UNC13C: variants seen among roughly 807,000 people sequenced by gnomAD.
The protein encoded by UNC13C is unc-13 homolog C, also known as protein unc-13 homolog C.
A neutral mutation model predicts 245.4 loss-of-function variants in UNC13C; 174 were observed. The ratio of observed to expected loss-of-function variants is 0.71; its 90% CI spans 0.63 to 0.80. The LOEUF (loss-of-function observed/expected upper bound fraction) is 0.80, where lower values mean the gene tolerates loss of function less well. Among genes scored for constraint, UNC13C ranks in the 30% least tolerant of loss-of-function variants. UNC13C has a pLI of 0.00. For missense variants in UNC13C, 2,829 were observed against 2,602.9 expected (o/e 1.09, Z -1.89); for synonymous variants, 992 against 895.1 (o/e 1.11, Z -1.93).
intron 13 of UNC13C, among the ~76,000 whole-genome samples, chr15:54,304,427 CT>C (rs2037669438): frequency 6.6e-6 from 1 of 151,922 alleles, no homozygotes; most frequent in African/African-American, 2.4e-5. Context: ...TCACATGTTT[CT>C]TTTAGCACTG....
intron 19 of UNC13C, among the ~76,000 whole-genome samples, chr15:54,445,087 T>C (rs1454917362): frequency 6.6e-6 from 1 of 151,650 alleles, no homozygotes; most frequent in Non-Finnish European, 1.5e-5. Flanking sequence ...GTCCTTGCGA[T>C]AGTTTGCTGA....
At chr15:54,036,848 A>G (rs563136180) in intron 2 of UNC13C, among the ~76,000 whole-genome samples, 1 of 152,322 alleles carries the variant, frequency 6.6e-6, no homozygotes, top group African/African-American at 2.4e-5. Context: ...CTGAATTTCT[A>G]TGACTTTATG....
intron 2 of UNC13C, among the ~76,000 whole-genome samples, chr15:54,057,812 G>T (rs556405080): frequency 2.4e-4 from 37 of 152,058 alleles, no homozygotes; most frequent in African/African-American, 7.5e-4. Flanking sequence ...GAAACTCACT[G>T]AAAACCACTC....
At chr15:53,874,290 TC>T in the UNC13C span, among the ~76,000 whole-genome samples, 1 of 150,626 alleles carries the variant, frequency 6.6e-6, no homozygotes, top group African/African-American at 2.5e-5. Flanking sequence ...TTTAATTTAA[TC>T]CCCCTAACAA....
At chr15:54,235,585 A>G (rs957152430) in intron 5 of UNC13C, among the ~76,000 whole-genome samples, 6 of 152,184 alleles carry the variant, frequency 3.9e-5, no homozygotes, top group Non-Finnish European at 5.9e-5. Context: ...AAGCTCTTCT[A>G]TTTAAAGAAA....
the UNC13C span, among the ~76,000 whole-genome samples, chr15:53,923,156 G>A: frequency 1.3e-5 from 2 of 152,184 alleles, no homozygotes; most frequent in East Asian, 3.8e-4. Context: ...GTAAGATTCA[G>A]ATCAAATGAC....
At chr15:54,547,467 A>T (rs1896535134) in intron 27 of UNC13C, among the ~76,000 whole-genome samples, 1 of 152,210 alleles carries the variant, frequency 6.6e-6, no homozygotes, top group African/African-American at 2.4e-5. Flanking sequence ...AAATAACACT[A>T]ACAAGCACCT....
chr15:54,150,752 T>A (rs1403540920), intron 4 of UNC13C, among the ~76,000 whole-genome samples: 3 of 152,232 alleles, frequency 2.0e-5, no homozygotes, highest in South Asian at 4.1e-4. Context: ...TGTGGATCTA[T>A]GAGACCTCAC....
intron 17 of UNC13C, among the ~76,000 whole-genome samples, chr15:54,382,930 C>G (rs1160948615): frequency 6.6e-6 from 1 of 152,008 alleles, no homozygotes; most frequent in Non-Finnish European, 1.5e-5. Flanking sequence ...ATACACTAAC[C>G]AACTGAAAAA....
the UNC13C span, among the ~76,000 whole-genome samples, chr15:53,942,948 C>T: frequency 6.6e-6 from 1 of 152,224 alleles, no homozygotes; most frequent in Non-Finnish European, 1.5e-5. Flanking sequence ...CAGGCGTGAG[C>T]CATTGTGCCC....
At chr15:54,616,240 A>G (rs1220689585) in intron 30 of UNC13C, among the ~76,000 whole-genome samples, 1 of 152,050 alleles carries the variant, frequency 6.6e-6, no homozygotes, top group East Asian at 1.9e-4. Context: ...AAGTCCAGAA[A>G]GCCATGAAAA....
At chr15:53,995,988 ATTTG>A (rs1467671454) in intron 1 of UNC13C, among the ~76,000 whole-genome samples, 1 of 152,096 alleles carries the variant, frequency 6.6e-6, no homozygotes, top group Non-Finnish European at 1.5e-5. Context: ...GCTCTTGTTC[ATTTG>A]TTTGTTTTTT....
intron 13 of UNC13C, among the ~76,000 whole-genome samples, chr15:54,302,751 C>G (rs190087244): frequency 2.9e-4 from 44 of 152,070 alleles, no homozygotes; most frequent in African/African-American, 1.0e-3. Context: ...CTTGGCTATG[C>G]TGGCTCTTTT....
chr15:54,478,550 G>C (rs1188762606), intron 19 of UNC13C, among the ~76,000 whole-genome samples: 1 of 147,658 alleles, frequency 6.8e-6, no homozygotes, highest in Non-Finnish European at 1.5e-5. Flanking sequence ...CTTTATTTCT[G>C]CCTTCATTTC....
intron 19 of UNC13C, among the ~76,000 whole-genome samples, chr15:54,417,339 C>G (rs1312531976): frequency 6.6e-6 from 1 of 152,104 alleles, no homozygotes; most frequent in East Asian, 1.9e-4. Flanking sequence ...TGGGAACATT[C>G]CAAGAGCTCA....
At chr15:54,110,779 A>T (rs1900730358) in intron 2 of UNC13C, among the ~76,000 whole-genome samples, 1 of 152,174 alleles carries the variant, frequency 6.6e-6, no homozygotes, top group African/African-American at 2.4e-5. Context: ...ACTTCCTTGA[A>T]CAGAACTGAT....
chr15:54,018,221 C>T (rs1895746897), intron 2 of UNC13C, among the ~76,000 whole-genome samples: 1 of 152,184 alleles, frequency 6.6e-6, no homozygotes, highest in Non-Finnish European at 1.5e-5. Flanking sequence ...CATCTGCTTA[C>T]TGGGCTTTGG....
At chr15:54,390,024 C>T (rs988097284) in intron 17 of UNC13C, among the ~76,000 whole-genome samples, 8 of 152,136 alleles carry the variant, frequency 5.3e-5, no homozygotes, top group Admixed American at 2.0e-4. Context: ...CCACTGCGCC[C>T]GGCCCGTCTT....
chr15:54,232,824 ACTT>A (rs1388952123), intron 4 of UNC13C, among the ~76,000 whole-genome samples: 2 of 152,162 alleles, frequency 1.3e-5, no homozygotes, highest in African/African-American at 4.8e-5. Flanking sequence ...AGTAGAAACT[ACTT>A]GGAATGATAG....
Sources: gnomAD v4.1 joint callset for allele counts (sites outside exome capture counted in the v4.1 genomes callset) on GRCh38, gnomAD v4.1.1 for gene constraint, MANE v1.5 for transcripts, NCBI Gene and HGNC (gene_info 2026-07-23, HGNC 2026-07-21) for gene names.